The following CSMD1 variants were observed in gnomAD, a reference collection of about 807,000 sequenced individuals.
CSMD1 encodes the protein CUB and sushi domain-containing protein 1.
CSMD1 carries 213 observed loss-of-function variants against 417.5 expected under a neutral mutation model. The ratio of observed to expected loss-of-function variants is 0.51; its 90% CI spans 0.46 to 0.57. CSMD1 has a LOEUF of 0.57. CSMD1 is among the 20% of genes least tolerant of loss of function. CSMD1 has a pLI of 0.00. For synonymous variants in CSMD1, 2,862 were observed against 1,736.8 expected (o/e 1.65, Z -16.11); for missense variants, 6,923 against 4,529.7 (o/e 1.53, Z -15.17).
chr8:4,045,560 G>C (rs561866457), intron 3 of CSMD1, among the ~76,000 whole-genome samples: 3 of 152,300 alleles, frequency 2.0e-5, no homozygotes, highest in African/African-American at 7.2e-5. Context: ...AGCTCAGAAA[G>C]AGGATGTGCA....
chr8:4,973,319 G>C (rs1481111576), intron 1 of CSMD1, among the ~76,000 whole-genome samples: 1 of 152,158 alleles, frequency 6.6e-6, no homozygotes, highest in Admixed American at 6.5e-5. Context: ...TTGACTTATA[G>C]GCGAAGTCAA....
chr8:4,257,673 G>C (rs1021610522), intron 3 of CSMD1, among the ~76,000 whole-genome samples: 4 of 152,186 alleles, frequency 2.6e-5, no homozygotes, highest in African/African-American at 9.7e-5. Context: ...GTCTCAGGGT[G>C]CAGCAGTCTT....
At chr8:4,858,863 G>A (rs1357427245) in intron 1 of CSMD1, among the ~76,000 whole-genome samples, 1 of 149,582 alleles carries the variant, frequency 6.7e-6, no homozygotes, top group Non-Finnish European at 1.5e-5. Flanking sequence ...CAGATTCAAT[G>A]CCATCCCCAT....
At chr8:4,255,317 A>C (rs1437070246) in intron 3 of CSMD1, among the ~76,000 whole-genome samples, 1 of 152,186 alleles carries the variant, frequency 6.6e-6, no homozygotes, top group Non-Finnish European at 1.5e-5. Flanking sequence ...GAACTCCAGG[A>C]GGGGAGCTGT....
intron 5 of CSMD1, among the ~76,000 whole-genome samples, chr8:3,930,608 C>G (rs1388100830): frequency 6.7e-6 from 1 of 150,268 alleles, no homozygotes; most frequent in African/African-American, 2.5e-5. Flanking sequence ...CGGGACACAG[C>G]AGTAGGGTGG....
chr8:3,664,951 C>T (rs1449839345), intron 7 of CSMD1, among the ~76,000 whole-genome samples: 1 of 152,014 alleles, frequency 6.6e-6, no homozygotes, highest in African/African-American at 2.4e-5. Flanking sequence ...TCAAAGATTT[C>T]AATACATTCT....
intron 3 of CSMD1, among the ~76,000 whole-genome samples, chr8:4,105,887 G>C (rs528905517): frequency 6.6e-6 from 1 of 152,184 alleles, no homozygotes; most frequent in Non-Finnish European, 1.5e-5. Context: ...GACACAGCTC[G>C]GCTCTGTGCT....
intron 1 of CSMD1, among the ~76,000 whole-genome samples, chr8:4,844,345 G>C (rs1336782594): frequency 6.6e-6 from 1 of 152,038 alleles, no homozygotes; most frequent in Non-Finnish European, 1.5e-5. Flanking sequence ...TTTTTTTGCA[G>C]AAAAGATCAC....
intron 1 of CSMD1, among the ~76,000 whole-genome samples, chr8:4,758,739 A>G (rs1563311028): frequency 6.6e-6 from 1 of 152,194 alleles, no homozygotes; most frequent in Non-Finnish European, 1.5e-5. Context: ...GGAAACTGCC[A>G]TTAATGAAAC....
At position 3,762,138 on chromosome 8, in the gene CSMD1, T is replaced by A. The variant is rs1798042538; in HGVS notation, c.819-8096A>T. Among the ~76,000 whole-genome samples the A allele has an allele frequency of 1.3e-5, 2 of 152,106 alleles. 1 individual carries two copies. Among genetic ancestry groups the A allele is most frequent in the Non-Finnish European group, 2.9e-5 (2 of 68,022 alleles). On this transcript the variant is annotated intron_variant, in intron 5 of 69. Transcript: ENST00000635120. The stretch of plus-strand genomic sequence containing the variant: ...CATTCTGCTTTCCAGCCTCTTCAGG[T>A]GCACATCGCCCCCATCCCCTGCTTT...
At chr8:4,526,406 G>A (rs1444871503) in intron 2 of CSMD1, among the ~76,000 whole-genome samples, 2 of 152,242 alleles carry the variant, frequency 1.3e-5, no homozygotes, top group African/African-American at 4.8e-5. Flanking sequence ...TCTTACTTAT[G>A]TATGCCCAAG....
chr8:3,631,388 C>A (rs1227840027), intron 7 of CSMD1, among the ~76,000 whole-genome samples: 1 of 152,174 alleles, frequency 6.6e-6, no homozygotes, highest in Non-Finnish European at 1.5e-5. Context: ...TAGTCAGTGA[C>A]TGGAGTAGCA....
chr8:3,084,798 T>C (rs1412010167), intron 49 of CSMD1, among the ~76,000 whole-genome samples: 1 of 152,026 alleles, frequency 6.6e-6, no homozygotes, highest in Non-Finnish European at 1.5e-5. Flanking sequence ...ATTTTTACTC[T>C]TCATTTTAAA....
chr8:4,067,838 G>A (rs1341861234), intron 3 of CSMD1, among the ~76,000 whole-genome samples: 1 of 152,182 alleles, frequency 6.6e-6, no homozygotes. Flanking sequence ...CAACACTTTG[G>A]GAGGCCGAGG....
chr8:4,228,707 G>A (rs897003316), intron 3 of CSMD1, among the ~76,000 whole-genome samples: 97 of 150,786 alleles, frequency 6.4e-4, no homozygotes, highest in Non-Finnish European at 1.5e-4. Context: ...TTCTTGAGAT[G>A]GAGTCTACCT....
chr8:4,291,588 T>A (rs943190831), intron 3 of CSMD1, among the ~76,000 whole-genome samples: 2 of 152,206 alleles, frequency 1.3e-5, no homozygotes, highest in Non-Finnish European at 2.9e-5. Flanking sequence ...AAGCGTAATA[T>A]TTAATTTCTG....
At chr8:4,300,147 C>A (rs1380578790) in intron 3 of CSMD1, among the ~76,000 whole-genome samples, 3 of 152,090 alleles carry the variant, frequency 2.0e-5, no homozygotes, top group African/African-American at 7.2e-5. Flanking sequence ...GCATAGTTAT[C>A]TTTCATAAAA....
intron 26 of CSMD1, among the ~76,000 whole-genome samples, chr8:3,270,767 C>G (rs1483041769): frequency 1.3e-5 from 2 of 152,106 alleles, no homozygotes; most frequent in African/African-American, 2.4e-5. Context: ...TTGTATTAGT[C>G]TGTTTTCATG....
Position 4,837,541 on chromosome 8 carries a change from G to A in CSMD1, c.85+156791C>T, listed in dbSNP as rs553095359. 3.3e-5 allele frequency among the ~76,000 whole-genome samples: 5 copies of A among 152,254 alleles called. No homozygotes were observed. The South Asian group carries it at 8.3e-4, about 25-fold the overall frequency. The stretch of plus-strand genomic sequence containing the variant: ...CTTTTTGCAGCTTTGGTTCTTATCT[G>A]TGGAATCTAAAAATCAAAACAATTA... On this transcript the variant is annotated intron_variant, in intron 1 of 69. Coordinates refer to ENST00000635120, the MANE Select transcript of CSMD1 (RefSeq NM_033225.6).
Sources: allele counts gnomAD v4.1 joint callset (sites outside exome capture counted in the v4.1 genomes callset), GRCh38; gene constraint gnomAD v4.1.1; transcripts MANE v1.5; gene names NCBI Gene and HGNC (gene_info 2026-07-23, HGNC 2026-07-21).